The following DMD variants were observed in gnomAD, a reference collection of about 807,000 sequenced individuals.
DMD encodes dystrophin.
A neutral mutation model predicts 330.1 loss-of-function variants in DMD; 63 were observed. The observed-to-expected ratio is 0.19, with a 90% CI of 0.16 to 0.24. The LOEUF (loss-of-function observed/expected upper bound fraction) is 0.24, where lower values mean the gene tolerates loss of function less well. Among genes scored for constraint, DMD ranks in the 10% least tolerant of loss-of-function variants. The pLI, the probability that DMD is intolerant of heterozygous loss-of-function variation, is 1.00. For missense variants in DMD, 3,344 were observed against 2,684.1 expected (o/e 1.25, Z -5.43); for synonymous variants, 1,223 against 959.8 (o/e 1.27, Z -5.07).
At chrX:32,988,194 G>A (rs61272393) in intron 2 of DMD, among the ~76,000 whole-genome samples, 204 of 111,250 alleles carry the variant, frequency 1.8e-3, no homozygotes, top group African/African-American at 6.4e-3. Flanking sequence ...ATATCTCAGC[G>A]TTAATCACTT....
chrX:31,507,525 G>A, intron 55 of DMD, 72 bp from the exon 56 acceptor site: 1 of 975,943 alleles, frequency 1.0e-6, no homozygotes, highest in Non-Finnish European at 1.4e-6. Flanking sequence ...ATGTGAATTT[G>A]GAGAATTGCA....
intron 1 of DMD, among the ~76,000 whole-genome samples, chrX:33,263,940 G>A (rs1317709911): frequency 9.0e-6 from 1 of 111,148 alleles, no homozygotes; most frequent in Admixed American, 9.6e-5. Flanking sequence ...GTTGAAAACA[G>A]TATAAAAATA....
intron 55 of DMD, among the ~76,000 whole-genome samples, chrX:31,608,878 T>C (rs990052475): frequency 9.0e-6 from 1 of 111,430 alleles, no homozygotes; most frequent in Non-Finnish European, 1.9e-5. Flanking sequence ...TAAGGAGGCA[T>C]TGTTAAGGTT....
intron 1 of DMD, among the ~76,000 whole-genome samples, chrX:33,096,053 C>A (rs1465202836): frequency 2.1e-5 from 2 of 93,400 alleles, no homozygotes; most frequent in Non-Finnish European, 4.1e-5. Context: ...CGGCTCACTG[C>A]AACCTCCGCC....
intron 1 of DMD, among the ~76,000 whole-genome samples, chrX:33,026,593 A>C (rs1230253946): frequency 9.0e-6 from 1 of 110,865 alleles, no homozygotes; most frequent in East Asian, 2.8e-4. Context: ...AGGAGGCTGC[A>C]ATGGAAAATG....
At chrX:32,869,551 A>T (rs780311623) in intron 2 of DMD, among the ~76,000 whole-genome samples, 1 of 95,991 alleles carries the variant, frequency 1.0e-5, no homozygotes, top group Admixed American at 1.2e-4. Context: ...TCTAGAGAGT[A>T]ACATAAATGA....
At chrX:32,413,523 T>C (rs1427514966) in intron 29 of DMD, among the ~76,000 whole-genome samples, 1 of 110,075 alleles carries the variant, frequency 9.1e-6, no homozygotes, top group Admixed American at 9.8e-5. Flanking sequence ...CTCTCCATTG[T>C]CTTTACTCTA....
intron 44 of DMD, among the ~76,000 whole-genome samples, chrX:32,177,417 GC>G (rs1352879271): frequency 1.8e-5 from 2 of 111,668 alleles, no homozygotes; most frequent in Non-Finnish European, 3.8e-5. Context: ...AACATAATCT[GC>G]TGTCACATTC....
chrX:31,367,477 G>C (rs1369265213), intron 60 of DMD, among the ~76,000 whole-genome samples: 1 of 111,230 alleles, frequency 9.0e-6, no homozygotes, highest in African/African-American at 3.3e-5. Context: ...ATTAGATCCT[G>C]TTTTAATGAC....
rs149623689 is a variant in DMD at position 33,010,320 on chromosome X, A to G, written c.93+9819T>C. Among the ~76,000 whole-genome samples the G allele has an allele frequency of 3.4e-3, 349 of 103,603 alleles. 3 individuals are homozygous for G. The highest frequency in any genetic ancestry group is 0.011 in the African/African-American group (319 of 28,665). 90.0% of individuals were successfully genotyped at this position (103,603 alleles called of 115,157 possible). On this transcript the variant is annotated intron_variant, in intron 2 of 78. Coordinates refer to ENST00000357033, the MANE Select transcript of DMD (RefSeq NM_004006.3). ...TATGTATATATGTACATATATGTGTATAAATATGTATATATGTACATATAT... is the reference window on the plus strand; with the variant it reads ...TATGTATATATGTACATATATGTGTGTAAATATGTATATATGTACATATAT...
At chrX:31,500,330 C>T (rs2070313646) in intron 56 of DMD, among the ~76,000 whole-genome samples, 1 of 112,236 alleles carries the variant, frequency 8.9e-6, no homozygotes, top group Non-Finnish European at 1.9e-5. Flanking sequence ...CAACAAGAAC[C>T]TTCACAATTC....
At chrX:32,400,847 C>T (rs1335480030) in intron 30 of DMD, among the ~76,000 whole-genome samples, 1 of 108,284 alleles carries the variant, frequency 9.2e-6, no homozygotes, top group Admixed American at 9.9e-5. Context: ...ACCCAAAGGA[C>T]TATAAATCAT....
intron 44 of DMD, among the ~76,000 whole-genome samples, chrX:32,048,428 TG>T (rs2096079437): frequency 9.3e-6 from 1 of 107,970 alleles, no homozygotes; most frequent in Non-Finnish European, 1.9e-5. Context: ...TTGCTGTTCC[TG>T]GAACAGCATA....
chrX:32,745,873 A>T (rs769643879), intron 7 of DMD, among the ~76,000 whole-genome samples: 1 of 112,315 alleles, frequency 8.9e-6, no homozygotes, highest in South Asian at 3.6e-4. Context: ...GATAAGCTGC[A>T]AAATTCTGTA....
intron 59 of DMD, among the ~76,000 whole-genome samples, chrX:31,457,268 C>T (rs2066252061): frequency 9.0e-6 from 1 of 111,110 alleles, no homozygotes; most frequent in South Asian, 3.8e-4. Flanking sequence ...GCAAATGGAG[C>T]AAATTATTTG....
At chrX:31,369,337 C>T (rs994548625) in intron 60 of DMD, among the ~76,000 whole-genome samples, 1 of 111,585 alleles carries the variant, frequency 9.0e-6, no homozygotes, top group Non-Finnish European at 1.9e-5. Flanking sequence ...AAAAGGGATT[C>T]GGAAGCAAGA....
intron 13 of DMD, among the ~76,000 whole-genome samples, chrX:32,579,489 T>A (rs780338347): frequency 1.8e-5 from 2 of 112,116 alleles, no homozygotes; most frequent in Non-Finnish European, 3.8e-5. Context: ...TCGTTCATAA[T>A]GGTATTCATT....
intron 1 of DMD, among the ~76,000 whole-genome samples, chrX:33,129,833 T>C (rs1248890463): frequency 8.9e-6 from 1 of 112,051 alleles, no homozygotes; most frequent in Non-Finnish European, 1.9e-5. Flanking sequence ...GTTGCCTAAC[T>C]TAATTAACTG....
chrX:31,225,890 C>A (rs758236121), intron 63 of DMD, among the ~76,000 whole-genome samples: 1 of 112,072 alleles, frequency 8.9e-6, no homozygotes, highest in Admixed American at 9.4e-5. Context: ...CTGGCACAGG[C>A]TGTAAGATTG....
Sources: gnomAD v4.1 joint callset for allele counts (sites outside exome capture counted in the v4.1 genomes callset) on GRCh38, gnomAD v4.1.1 for gene constraint, MANE v1.5 for transcripts, NCBI Gene and HGNC (gene_info 2026-07-23, HGNC 2026-07-21) for gene names.